The following GALNT9 variants were observed in gnomAD, a reference collection of about 807,000 sequenced individuals.
The protein encoded by GALNT9 is GalNAc transferase 9.
A neutral mutation model predicts 63.1 loss-of-function variants in GALNT9; 47 were observed. The ratio of observed to expected loss-of-function variants is 0.75; its 90% confidence interval spans 0.59 to 0.95. The LOEUF is 0.95. Ranked by LOEUF, GALNT9 falls within the 40% of genes least tolerant of loss-of-function variation. The pLI is 0.00. For missense variants in GALNT9, 829 were observed against 874.8 expected, an observed-to-expected ratio of 0.95 and a Z score of 0.66; for synonymous variants, 396 against 365.7, an observed-to-expected ratio of 1.08 and a Z score of -0.94.
At chr12:132,213,809 G>A (rs541259974) in intron 6 of GALNT9, among the ~76,000 whole-genome samples, 5 of 152,222 alleles carry the variant, frequency 3.3e-5, no homozygotes, top group Admixed American at 1.3e-4. Context: ...CAGCTCTCTC[G>A]AGCAGAATGC....
intron 1 of GALNT9, among the ~76,000 whole-genome samples, chr12:132,312,465 C>G (rs1881849964): frequency 6.6e-6 from 1 of 152,222 alleles, no homozygotes; most frequent in Non-Finnish European, 1.5e-5. Flanking sequence ...ACCTTGGTGG[C>G]CACCTCTGAG....
In GALNT9 at chr12:132,197,777, T is replaced by TCC; in HGVS notation, c.1665+13_1665+14dup. 1 of 1,416,432 alleles carries TCC rather than the reference T, an allele frequency of 7.1e-7. No individual in the cohort carries two copies. Among genetic ancestry groups the TCC allele is most frequent in the Non-Finnish European group, 9.6e-7 (1 of 1,039,724 alleles). 87.7% of individuals were successfully genotyped at this position (1,416,432 alleles called of 1,614,324 possible). On this transcript the variant is annotated intron_variant, in intron 10 of 10. Coordinates refer to ENST00000328957, the MANE Select transcript of GALNT9 (RefSeq NM_001122636.2). ...CCCGCCCCAACCCCACGGCCCCCCT[T>TCC]CCCCAGAGGCTGACCTGGGTGAAGT...
chr12:132,204,119 C>G (rs1876455118), intron 6 of GALNT9, among the ~76,000 whole-genome samples: 1 of 152,002 alleles, frequency 6.6e-6, no homozygotes, highest in African/African-American at 2.4e-5. Flanking sequence ...CATGCAGACA[C>G]CGCTCCACGC....
chr12:132,328,198 C>T (rs1488940945), intron 1 of GALNT9, among the ~76,000 whole-genome samples: 1 of 152,184 alleles, frequency 6.6e-6, no homozygotes, highest in Non-Finnish European at 1.5e-5. Context: ...TGGCCCTGAC[C>T]TGTGGTGATG....
chr12:132,326,431 A>G (rs1869038423), intron 1 of GALNT9, among the ~76,000 whole-genome samples: 1 of 152,218 alleles, frequency 6.6e-6, no homozygotes, highest in South Asian at 2.1e-4. Context: ...TATGAATTTG[A>G]ATCTGCACAC....
At chr12:132,219,554 G>C (rs1043374336) in intron 6 of GALNT9, among the ~76,000 whole-genome samples, 2 of 152,200 alleles carry the variant, frequency 1.3e-5, no homozygotes, top group Non-Finnish European at 2.9e-5. Flanking sequence ...TCAGGGTGGG[G>C]ACGAGCTCAA....
At chr12:132,268,562 A>G (rs1346901149) in intron 2 of GALNT9, among the ~76,000 whole-genome samples, 2 of 152,274 alleles carry the variant, frequency 1.3e-5, no homozygotes, top group African/African-American at 4.8e-5. Context: ...CTTTATCAAA[A>G]TAAAAAACCA....
chr12:132,208,486 G>A (rs1338463429), intron 6 of GALNT9, among the ~76,000 whole-genome samples: 1 of 152,234 alleles, frequency 6.6e-6, no homozygotes, highest in African/African-American at 2.4e-5. Context: ...CAACAGAAAG[G>A]GCCAGAACCC....
chr12:132,239,433 GAC>G (rs1878141434), intron 6 of GALNT9, among the ~76,000 whole-genome samples: 1 of 151,354 alleles, frequency 6.6e-6, no homozygotes, highest in Admixed American at 6.6e-5. Context: ...GAGACAGAGA[GAC>G]AGAGTCAGAG....
chr12:132,229,087 C>T lies in GALNT9; in HGVS notation c.1077+18823G>A, dbSNP rs903922312. On this transcript the variant is annotated intron_variant, in intron 6 of 10. Transcript: ENST00000328957. ...TGTGCCAGTGCATGGGGCAGGGGGC[C>T]GCCCTCCCCTGGACACGTACCAGTC... is the stretch of plus-strand genomic sequence containing the variant. Among the ~76,000 whole-genome samples the T allele has an allele frequency of 2.4e-3, 358 of 152,294 alleles. 1 individual carries two copies. The highest frequency in any genetic ancestry group is 8.1e-3 in the African/African-American group (336 of 41,568).
In GALNT9 at chr12:132,314,451, G is replaced by A. The variant is rs576289091; in HGVS notation, c.238+14515C>T. ...CTTCTCCATGATCCTGTCATGGAGG[G>A]ATAATCATTTTTCACATTTCACAGA... is the stretch of plus-strand genomic sequence containing the variant. On this transcript the variant is annotated intron_variant, in intron 1 of 10. Coordinates refer to ENST00000328957, the MANE Select transcript of GALNT9 (RefSeq NM_001122636.2). Among the ~76,000 whole-genome samples, 3 of 152,238 alleles carry A rather than the reference G, an allele frequency of 2.0e-5. No homozygotes were observed. The South Asian group carries it at 6.2e-4, about 32-fold the overall frequency.
intron 5 of GALNT9, among the ~76,000 whole-genome samples, chr12:132,254,472 G>A (rs1300482025): frequency 2.6e-5 from 4 of 152,130 alleles, no homozygotes; most frequent in African/African-American, 9.7e-5. Flanking sequence ...CAGCATGAGG[G>A]GAGTGATTCT....
At chr12:132,256,598 GACA>G (rs1879123641) in intron 5 of GALNT9, among the ~76,000 whole-genome samples, 2 of 120,330 alleles carry the variant, frequency 1.7e-5, no homozygotes, top group Non-Finnish European at 3.6e-5. Flanking sequence ...AGTGGAGGGG[GACA>G]GTGGAGGGGG....
chr12:132,295,130 C>T (rs1421116491), intron 1 of GALNT9, among the ~76,000 whole-genome samples: 1 of 152,248 alleles, frequency 6.6e-6, no homozygotes, highest in African/African-American at 2.4e-5. Context: ...GGTGCTGCCA[C>T]AGCCCAGGGG....
At chr12:132,203,354 ACACACAACTGCTTGCACCTGTG>A (rs1876336679) in intron 7 of GALNT9, 129 bp downstream of exon 7, 7 of 658,294 alleles carry the variant, frequency 1.1e-5, no homozygotes, top group South Asian at 3.8e-5. Context: ...TCACACCTGC[ACACACAACTGCTTGCACCTGTG>A]CACACCTGTC....
intron 2 of GALNT9, chr12:132,272,937 A>T (rs1182242337): frequency 6.6e-6 from 1 of 152,286 alleles, no homozygotes; most frequent in Non-Finnish European, 1.5e-5. Flanking sequence ...GCTCGACGCC[A>T]TGGCCACTGT....
At chr12:132,295,042 A>T (rs1441071687) in intron 1 of GALNT9, among the ~76,000 whole-genome samples, 1 of 152,226 alleles carries the variant, frequency 6.6e-6, no homozygotes, top group Admixed American at 6.5e-5. Context: ...AGGGCTCAAG[A>T]CCAAATCCCT....
At chr12:132,249,668 AT>A (rs1555238365) in intron 5 of GALNT9, among the ~76,000 whole-genome samples, 2 of 152,250 alleles carry the variant, frequency 1.3e-5, no homozygotes, top group African/African-American at 2.4e-5. Context: ...GAAGAGCCAG[AT>A]TCTCTGCCAC....
intron 9 of GALNT9, among the ~76,000 whole-genome samples, chr12:132,198,267 G>A (rs527468105): frequency 4.6e-5 from 7 of 152,358 alleles, no homozygotes; most frequent in Non-Finnish European, 7.3e-5. Flanking sequence ...CACTCGTTTC[G>A]GGGAGGACAG....
Sources: allele counts gnomAD v4.1 joint callset (sites outside exome capture counted in the v4.1 genomes callset), GRCh38; gene constraint gnomAD v4.1.1; transcripts MANE v1.5; gene names NCBI Gene and HGNC (gene_info 2026-07-23, HGNC 2026-07-21).